SNTG1: variants seen among roughly 807,000 people sequenced by gnomAD.
SNTG1 encodes gamma-1-syntrophin.
In SNTG1, 39 loss-of-function variants were observed where a neutral mutation model predicts 74.7. The ratio of observed to expected loss-of-function variants is 0.52; its 90% confidence interval spans 0.40 to 0.68. SNTG1 has a LOEUF of 0.68. SNTG1 is among the 30% of genes least tolerant of loss of function. The pLI, the probability that SNTG1 is intolerant of heterozygous loss-of-function variation, is 0.00. For synonymous variants in SNTG1, 254 were observed against 217.1 expected (o/e 1.17, Z -1.49); for missense variants, 685 against 609.5 (o/e 1.12, Z -1.30).
intron 1 of SNTG1, among the ~76,000 whole-genome samples, chr8:50,107,752 T>C (rs1235166191): frequency 6.6e-6 from 1 of 152,028 alleles, no homozygotes; most frequent in Admixed American, 6.6e-5. Flanking sequence ...GGTTTTACCA[T>C]GTTGGCCAGG....
At chr8:50,409,701 G>A (rs1449895944) in intron 4 of SNTG1, among the ~76,000 whole-genome samples, 2 of 152,142 alleles carry the variant, frequency 1.3e-5, no homozygotes, top group African/African-American at 2.4e-5. Context: ...CTGTTCTCAT[G>A]GTAGTATACC....
intron 15 of SNTG1, among the ~76,000 whole-genome samples, chr8:50,679,030 T>G (rs1203628577): frequency 1.3e-5 from 2 of 152,104 alleles, no homozygotes. Context: ...TTGATAGTTT[T>G]TAAATCAAAA....
intron 1 of SNTG1, among the ~76,000 whole-genome samples, chr8:50,103,627 C>G (rs914653379): frequency 6.6e-6 from 1 of 152,168 alleles, no homozygotes; most frequent in African/African-American, 2.4e-5. Flanking sequence ...GAGGGCATCC[C>G]TGTCTTGTGC....
chr8:50,643,646 A>C (rs1430221941), intron 13 of SNTG1, among the ~76,000 whole-genome samples: 2 of 152,188 alleles, frequency 1.3e-5, no homozygotes, highest in Non-Finnish European at 2.9e-5. Flanking sequence ...TTTGAAATTT[A>C]TTTGATTAAG....
intron 13 of SNTG1, among the ~76,000 whole-genome samples, chr8:50,593,722 T>TC (rs1179930720): frequency 1.3e-5 from 2 of 151,144 alleles, no homozygotes; most frequent in Admixed American, 1.3e-4. Context: ...TGGTTCTTTT[T>TC]TTTTTTTTTT....
intron 2 of SNTG1, among the ~76,000 whole-genome samples, chr8:50,296,898 C>T (rs941505985): frequency 2.6e-5 from 4 of 152,096 alleles, no homozygotes; most frequent in Admixed American, 6.6e-5. Flanking sequence ...AAGTAGTAAG[C>T]GCAAGAAGTA....
chr8:50,576,323 C>A (rs181509788), intron 12 of SNTG1, among the ~76,000 whole-genome samples: 200 of 152,164 alleles, frequency 1.3e-3, no homozygotes, highest in African/African-American at 4.4e-3. Context: ...CTATTCTATT[C>A]TATGTATCTA....
intron 10 of SNTG1, among the ~76,000 whole-genome samples, chr8:50,536,325 C>A (rs2094306964): frequency 6.6e-6 from 1 of 151,546 alleles, no homozygotes; most frequent in Non-Finnish European, 1.5e-5. Flanking sequence ...TATTTCTTCA[C>A]TTAATTGGTT....
At chr8:50,052,283 A>T (rs929176450) in intron 1 of SNTG1, among the ~76,000 whole-genome samples, 10 of 152,092 alleles carry the variant, frequency 6.6e-5, no homozygotes, top group African/African-American at 2.4e-4. Context: ...ACTAAAATTC[A>T]TTGTTACAAC....
At chr8:50,678,822 T>C (rs1585501471) in intron 15 of SNTG1, among the ~76,000 whole-genome samples, 2 of 152,144 alleles carry the variant, frequency 1.3e-5, no homozygotes, top group Non-Finnish European at 2.9e-5. Context: ...AAATTTTTTA[T>C]AGTGTTCCAA....
chr8:50,550,205 G>A (rs2094416207), intron 11 of SNTG1, among the ~76,000 whole-genome samples: 1 of 152,146 alleles, frequency 6.6e-6, no homozygotes. Flanking sequence ...ATATGGAGGT[G>A]AGCAGTGGTT....
At chr8:50,708,860 G>A (rs1404852905) in intron 16 of SNTG1, 26 bp from the exon 17 acceptor site, 1 of 1,519,492 alleles carries the variant, frequency 6.6e-7, no homozygotes, top group Non-Finnish European at 9.1e-7. Context: ...AACATGAAAA[G>A]TAACAATACT....
At chr8:50,316,431 T>C (rs533589759) in intron 2 of SNTG1, among the ~76,000 whole-genome samples, 44 of 152,324 alleles carry the variant, frequency 2.9e-4, no homozygotes, top group Admixed American at 5.2e-4. Context: ...TTACTAATGT[T>C]ACCATTTTAA....
At chr8:50,333,299 G>T (rs2091030119) in intron 2 of SNTG1, among the ~76,000 whole-genome samples, 1 of 152,184 alleles carries the variant, frequency 6.6e-6, no homozygotes, top group Non-Finnish European at 1.5e-5. Flanking sequence ...AACCATTATT[G>T]ATAAATGTTA....
chr8:50,389,450 C>G (rs979926320), intron 2 of SNTG1, among the ~76,000 whole-genome samples: 1 of 152,180 alleles, frequency 6.6e-6, no homozygotes, highest in African/African-American at 2.4e-5. Context: ...CCAACAGGCC[C>G]TGGTGTGTGA....
At chr8:50,016,906 C>T (rs978473427) in intron 1 of SNTG1, among the ~76,000 whole-genome samples, 43 of 152,054 alleles carry the variant, frequency 2.8e-4, no homozygotes, top group Admixed American at 6.6e-4. Context: ...ACTGACTTCA[C>T]GTCAGAAACC....
intron 1 of SNTG1, among the ~76,000 whole-genome samples, chr8:50,078,674 C>T (rs1056330839): frequency 1.3e-5 from 2 of 152,094 alleles, no homozygotes; most frequent in East Asian, 3.8e-4. Context: ...TTAAGCCCTG[C>T]GTGCATTAGG....
intron 17 of SNTG1, among the ~76,000 whole-genome samples, chr8:50,738,584 A>C (rs956385572): frequency 6.6e-6 from 1 of 152,142 alleles, no homozygotes; most frequent in Non-Finnish European, 1.5e-5. Flanking sequence ...AAACTGAAAA[A>C]GAGCCCACAC....
intron 2 of SNTG1, among the ~76,000 whole-genome samples, chr8:50,174,800 T>G (rs2082935403): frequency 6.6e-6 from 1 of 152,044 alleles, no homozygotes; most frequent in Non-Finnish European, 1.5e-5. Context: ...CATGTTGGTG[T>G]GCTGCACCCA....
Sources: gnomAD v4.1 joint callset for allele counts (sites outside exome capture counted in the v4.1 genomes callset) on GRCh38, gnomAD v4.1.1 for gene constraint, MANE v1.5 for transcripts, NCBI Gene and HGNC (gene_info 2026-07-23, HGNC 2026-07-21) for gene names.